Variants in CSGALNACT1 observed in about 807,000 individuals in gnomAD.
The protein encoded by CSGALNACT1 is chondroitin sulfate N-acetylgalactosaminyltransferase 1.
In CSGALNACT1, 52 loss-of-function variants were observed where a neutral mutation model predicts 51.0. The observed-to-expected ratio is 1.02, with a 90% CI of 0.82 to 1.29. The LOEUF (loss-of-function observed/expected upper bound fraction) is 1.29, where lower values mean the gene tolerates loss of function less well. Ranked by LOEUF, CSGALNACT1 falls within the 50% of genes most tolerant of loss-of-function variation. CSGALNACT1 has a pLI of 0.00. For synonymous variants in CSGALNACT1, 341 were observed against 254.4 expected (o/e 1.34, Z -3.24); for missense variants, 935 against 679.2 (o/e 1.38, Z -4.19).
chr8:19,658,301 C>G (rs910279191), intron 1 of CSGALNACT1, among the ~76,000 whole-genome samples: 2 of 152,086 alleles, frequency 1.3e-5, no homozygotes, highest in Admixed American at 6.6e-5. Context: ...ACTTCCCAAC[C>G]CCCAAATTGA....
chr8:19,755,913 G>A (rs1478439163), intron 1 of CSGALNACT1, among the ~76,000 whole-genome samples: 6 of 152,206 alleles, frequency 3.9e-5, no homozygotes. Flanking sequence ...ATCTTACAAT[G>A]GGTATGGCCC....
intron 1 of CSGALNACT1, among the ~76,000 whole-genome samples, chr8:19,740,297 G>T (rs913184553): frequency 1.8e-4 from 28 of 152,180 alleles, no homozygotes; most frequent in African/African-American, 6.3e-4. Context: ...TGTCTCACCC[G>T]AGTCACATGA....
intron 3 of CSGALNACT1, among the ~76,000 whole-genome samples, chr8:19,529,209 T>G (rs539578508): frequency 6.6e-6 from 1 of 151,450 alleles, no homozygotes; most frequent in African/African-American, 2.4e-5. Context: ...GAAAGAAGAG[T>G]GAATTAAAGA....
rs1564383781 is a variant in CSGALNACT1, at chr8:19,666,837, GAA to G, written c.-544+15634_-544+15635del. 2.6e-3 allele frequency among the ~76,000 whole-genome samples: 135 copies of G among 52,832 alleles called. 7 individuals are homozygous for G. Among genetic ancestry groups the G allele is most frequent in the South Asian group, 6.4e-3 (11 of 1,716 alleles). The allele number at this position is 52,832 out of a possible 152,430, so 34.7% of individuals were successfully genotyped here. On this transcript the variant is annotated intron_variant, in intron 1 of 9. Transcript: ENST00000332246. ...AGAGAGAGAGAGAGAGAGAGAGAAAGAAAGAAAGAAAGAAAGAAAGAAAGAAA... is the reference window on the plus strand; with the variant it reads ...AGAGAGAGAGAGAGAGAGAGAGAAAGAGAAAGAAAGAAAGAAAGAAAGAAA...
At chr8:19,489,080 G>C (rs1333256104) in intron 4 of CSGALNACT1, among the ~76,000 whole-genome samples, 2 of 152,172 alleles carry the variant, frequency 1.3e-5, no homozygotes, top group Non-Finnish European at 2.9e-5. Context: ...GGGGAGACCA[G>C]GGCACCTAAG....
At chr8:19,427,723 G>A (rs943803675) in intron 6 of CSGALNACT1, among the ~76,000 whole-genome samples, 1 of 152,010 alleles carries the variant, frequency 6.6e-6, no homozygotes, top group Non-Finnish European at 1.5e-5. Flanking sequence ...AGTGGGCGAA[G>A]CTTGCCGTTA....
chr8:19,595,951 C>T (rs774421059), intron 2 of CSGALNACT1, among the ~76,000 whole-genome samples: 3 of 149,830 alleles, frequency 2.0e-5, no homozygotes, highest in Non-Finnish European at 2.9e-5. Context: ...ACAGTCTCAA[C>T]CTTTCTGGCT....
chr8:19,516,491 C>G (rs73585587), intron 3 of CSGALNACT1, among the ~76,000 whole-genome samples: 2 of 152,016 alleles, frequency 1.3e-5, no homozygotes, highest in African/African-American at 4.8e-5. Context: ...GCCCCTCAAA[C>G]GTGGCATGAA....
At chr8:19,548,397 C>A (rs1028607875) in intron 3 of CSGALNACT1, among the ~76,000 whole-genome samples, 1 of 152,030 alleles carries the variant, frequency 6.6e-6, no homozygotes, top group Non-Finnish European at 1.5e-5. Flanking sequence ...TCATATGAGA[C>A]TAAAAAATAG....
intron 3 of CSGALNACT1, among the ~76,000 whole-genome samples, chr8:19,589,395 A>G (rs1047329352): frequency 2.1e-4 from 32 of 152,132 alleles, no homozygotes; most frequent in African/African-American, 7.5e-4. Flanking sequence ...GCACGATCTT[A>G]GCTCACTGCA....
chr8:19,701,401 ACCTTGGCCTCC>A (rs974675406), intron 1 of CSGALNACT1, among the ~76,000 whole-genome samples: 4 of 151,140 alleles, frequency 2.6e-5, no homozygotes, highest in Admixed American at 6.6e-5. Flanking sequence ...TGATCTGCCC[ACCTTGGCCTCC>A]CCAAGTGCTA....
chr8:19,640,662 G>A (rs1357772539), intron 1 of CSGALNACT1, among the ~76,000 whole-genome samples: 1 of 152,170 alleles, frequency 6.6e-6, no homozygotes, highest in Non-Finnish European at 1.5e-5. Context: ...TGGCACACTT[G>A]AATCTAATCT....
intron 4 of CSGALNACT1, among the ~76,000 whole-genome samples, chr8:19,484,351 A>G (rs1222627239): frequency 2.6e-5 from 4 of 152,214 alleles, no homozygotes; most frequent in Non-Finnish European, 5.9e-5. Flanking sequence ...GGTACTATTC[A>G]GTTTCAGGTG....
chr8:19,657,148 T>G (rs2058353627), intron 1 of CSGALNACT1, among the ~76,000 whole-genome samples: 1 of 149,722 alleles, frequency 6.7e-6, no homozygotes, highest in Non-Finnish European at 1.5e-5. Context: ...ATTACTAAAC[T>G]AGACACAGCT....
At chr8:19,719,223 T>C (rs1269984025) in intron 1 of CSGALNACT1, among the ~76,000 whole-genome samples, 1 of 152,226 alleles carries the variant, frequency 6.6e-6, no homozygotes, top group Non-Finnish European at 1.5e-5. Context: ...TTTGTCTTTC[T>C]GATTTATATT....
At position 19,505,189 on chromosome 8, in the gene CSGALNACT1, C is replaced by G. The variant is rs889266486; in HGVS notation, c.634+12G>C. The G allele has an allele frequency of 1.2e-6, 2 of 1,614,116 alleles. No individual in the cohort carries two copies. The highest frequency in any genetic ancestry group is 1.3e-5 in the African/African-American group (1 of 75,042). ...TTTCTTCTCCTTTCCCCCCAATTCA[C>G]AAAATGCTAACCTTCTATGAAATCA... On this transcript the variant is annotated intron_variant, in intron 4 of 9. Coordinates refer to ENST00000454498, the Ensembl canonical transcript of CSGALNACT1.
At chr8:19,405,769 TC>T in exon 10 of CSGALNACT1, 2 of 1,614,084 alleles carry the variant, frequency 1.2e-6, no homozygotes, top group Non-Finnish European at 8.5e-7. Context: ...CCACAATCCT[TC>T]TCTGGGAGTT....
At chr8:19,570,891 A>G (rs1214608955) in intron 3 of CSGALNACT1, among the ~76,000 whole-genome samples, 1 of 152,218 alleles carries the variant, frequency 6.6e-6, no homozygotes, top group East Asian at 1.9e-4. Context: ...CAGCCTGGGC[A>G]ATGGAGCAAG....
In CSGALNACT1 at chr8:19,420,322, CAG is replaced by C. The variant is rs2153696587; in HGVS notation, c.1132+16_1132+17del. On this transcript the variant is annotated intron_variant, in intron 7 of 9. Transcript: ENST00000454498. The stretch of plus-strand genomic sequence containing the variant: ...AGGGCTGGGGGCCACCTGAGCGTGA[CAG>C]AGAGATGATCCATACCTGGCTGTGT... The C allele has an allele frequency of 6.2e-7, 1 of 1,613,804 alleles. No homozygotes were observed. Among genetic ancestry groups the C allele is most frequent in the Non-Finnish European group, 8.5e-7 (1 of 1,179,766 alleles).
Sources: gnomAD v4.1 joint callset for allele counts (sites outside exome capture counted in the v4.1 genomes callset) on GRCh38, gnomAD v4.1.1 for gene constraint, MANE v1.5 for transcripts, NCBI Gene and HGNC (gene_info 2026-07-23, HGNC 2026-07-21) for gene names.